The following MYO1H variants were observed in gnomAD, a reference collection of about 807,000 sequenced individuals.
The protein encoded by MYO1H is myosin IH, also known as unconventional myosin-Ih.
MYO1H carries 118 observed loss-of-function variants against 149.3 expected under a neutral mutation model. That is an observed-to-expected ratio of 0.79 (90% confidence interval 0.68 to 0.92). The LOEUF is 0.92. MYO1H is among the 40% of genes least tolerant of loss of function. MYO1H has a pLI of 0.00. For missense variants in MYO1H, 1,212 were observed against 1,280.7 expected, an observed-to-expected ratio of 0.95 and a Z score of 0.82; for synonymous variants, 447 against 465.2, an observed-to-expected ratio of 0.96 and a Z score of 0.50.
intron 1 of MYO1H, among the ~76,000 whole-genome samples, chr12:109,376,874 G>T (rs569539174): frequency 2.6e-5 from 4 of 152,268 alleles, no homozygotes; most frequent in Admixed American, 1.3e-4. Context: ...TGAATCTAAG[G>T]ACCAGTGTGG....
intron 18 of MYO1H, among the ~76,000 whole-genome samples, 156 bp downstream of exon 18, chr12:109,426,207 A>C (rs1317839925): frequency 6.6e-6 from 1 of 152,218 alleles, no homozygotes; most frequent in Non-Finnish European, 1.5e-5. Context: ...AGTTGGCCAG[A>C]TGTTACAGGC....
chr12:109,357,079 C>T (rs919297333), intron 1 of MYO1H: 1 of 152,146 alleles, frequency 6.6e-6, no homozygotes, highest in Middle Eastern at 3.4e-3. Context: ...GAGCAGCCCT[C>T]TCCATCTGGT....
the MYO1H span, among the ~76,000 whole-genome samples, chr12:109,342,610 A>C: frequency 6.9e-6 from 1 of 145,834 alleles, no homozygotes; most frequent in Non-Finnish European, 1.5e-5. Flanking sequence ...TGGTGTGAAC[A>C]TGGCTCACTG....
intron 16 of MYO1H, among the ~76,000 whole-genome samples, chr12:109,422,815 T>A (rs576150608): frequency 1.7e-3 from 257 of 152,306 alleles, no homozygotes; most frequent in African/African-American, 5.9e-3. Flanking sequence ...GGCTCATGCC[T>A]GTAATCCCAG....
chr12:109,444,614 C>A, intron 30 of MYO1H, 85 bp downstream of exon 30: 1 of 1,067,348 alleles, frequency 9.4e-7, no homozygotes, highest in Non-Finnish European at 1.4e-6. Context: ...TGCCTATAAT[C>A]CCAGCACTTT....
chr12:109,416,515 A>C (rs567270430), intron 15 of MYO1H, among the ~76,000 whole-genome samples: 2 of 151,924 alleles, frequency 1.3e-5, no homozygotes, highest in African/African-American at 4.8e-5. Context: ...ATAATATCCC[A>C]TGATGTGGAT....
chr12:109,438,666 T>C (rs1483620069), intron 23 of MYO1H, 46 bp downstream of exon 23: 1 of 1,407,640 alleles, frequency 7.1e-7, no homozygotes, highest in Non-Finnish European at 9.9e-7. Context: ...TAAATGCTGG[T>C]ACCCTGCAGG....
In MYO1H at chr12:109,419,504, A is replaced by G. The variant is rs114016780; in HGVS notation, c.1598-1477A>G. On this transcript the variant is annotated intron_variant, in intron 15 of 31. Coordinates refer to ENST00000310903, the Ensembl canonical transcript of MYO1H. ...GAAGCCAGCTTGCTTCTATGCCACCATTTTTTTTCTTAAACACTTTTGATG... is the reference window on the plus strand; with the variant it reads ...GAAGCCAGCTTGCTTCTATGCCACCGTTTTTTTTCTTAAACACTTTTGATG... Among the ~76,000 whole-genome samples the G allele has an allele frequency of 3.1e-3, 467 of 151,756 alleles. 5 individuals are homozygous for G. The highest frequency in any genetic ancestry group is 0.011 in the African/African-American group (455 of 41,364).
At chr12:109,343,103 A>T (rs930935588), upstream of MYO1H, among the ~76,000 whole-genome samples, 8 of 152,110 alleles carry the variant, frequency 5.3e-5, no homozygotes, top group Non-Finnish European at 7.3e-5. Context: ...AAAAGAAAAA[A>T]AATTGCATTT....
exon 32 of MYO1H, chr12:109,448,024 T>C (rs1161559335): frequency 2.6e-5 from 4 of 152,240 alleles, no homozygotes; most frequent in Non-Finnish European, 5.9e-5. Context: ...TATTTACTGA[T>C]GTATGCGGCC....
the MYO1H span, among the ~76,000 whole-genome samples, chr12:109,342,458 A>G: frequency 6.7e-6 from 1 of 149,266 alleles, no homozygotes; most frequent in African/African-American, 2.5e-5. Flanking sequence ...ATTTTTTTTA[A>G]TGTATATATT....
intron 27 of MYO1H, 56 bp from the exon 28 acceptor site, chr12:109,443,458 C>G (rs964593797): frequency 5.7e-6 from 9 of 1,589,876 alleles, no homozygotes; most frequent in Admixed American, 5.2e-5. Flanking sequence ...GTCTGAGTAG[C>G]AAGAAACTCG....
At chr12:109,409,926 A>C (rs895117434) in intron 11 of MYO1H, 37 bp from the exon 12 acceptor site, 2 of 1,233,312 alleles carry the variant, frequency 1.6e-6, no homozygotes, top group South Asian at 1.5e-5. Flanking sequence ...TGTTCTCTTC[A>C]TATAACTTTA....
intron 2 of MYO1H, among the ~76,000 whole-genome samples, chr12:109,392,450 C>T (rs149503150): frequency 1.4e-4 from 22 of 152,284 alleles, no homozygotes; most frequent in Admixed American, 3.3e-4. Context: ...CGGCCAGGCG[C>T]GGTGGCTCAC....
At chr12:109,379,796 A>C (rs1410283837) in intron 1 of MYO1H, among the ~76,000 whole-genome samples, 1 of 143,174 alleles carries the variant, frequency 7.0e-6, no homozygotes, top group Non-Finnish European at 1.5e-5. Flanking sequence ...GCAGTGGAGC[A>C]ATCTCAGCTC....
the MYO1H span, among the ~76,000 whole-genome samples, chr12:109,340,538 A>G: frequency 2.0e-5 from 3 of 152,222 alleles, no homozygotes; most frequent in African/African-American, 7.2e-5. Context: ...GAAATGAAAC[A>G]AGTAACACTA....
intron 1 of MYO1H, among the ~76,000 whole-genome samples, chr12:109,349,491 C>CA (rs1305368177): frequency 4.6e-5 from 5 of 109,488 alleles, no homozygotes; most frequent in African/African-American, 2.1e-4. Flanking sequence ...AGTGTGACCC[C>CA]CCCACCAAAA....
At chr12:109,367,919 T>C (rs1310376362) in intron 1 of MYO1H, among the ~76,000 whole-genome samples, 2 of 152,072 alleles carry the variant, frequency 1.3e-5, no homozygotes, top group Non-Finnish European at 2.9e-5. Context: ...AGTGGCACAA[T>C]CATGGCTCAC....
rs577349203 is a variant in MYO1H at position 109,396,371 on chromosome 12, ACTC to A, written c.291-5_291-3del. 226 of 1,588,808 alleles carry A rather than the reference ACTC, an allele frequency of 1.4e-4. No homozygotes were observed. The Middle Eastern group carries it at 6.9e-3, about 48-fold the overall frequency. ...ATTAAAACGAATTTGTTTCCGTCTC[ACTC>A]CTCCTCCAGCTACGCTATAGCCGAC... is the stretch of plus-strand genomic sequence containing the variant. On this transcript the variant is annotated splice_polypyrimidine_tract_variant and intron_variant, in intron 3 of 31. Coordinates refer to ENST00000310903, the Ensembl canonical transcript of MYO1H.
Sources: allele counts gnomAD v4.1 joint callset (sites outside exome capture counted in the v4.1 genomes callset), GRCh38; gene constraint gnomAD v4.1.1; transcripts MANE v1.5; gene names NCBI Gene and HGNC (gene_info 2026-07-23, HGNC 2026-07-21).